The following HIF3A variants were observed in gnomAD, a reference collection of about 807,000 sequenced individuals.
HIF3A encodes hypoxia inducible factor 3 subunit alpha.
A neutral mutation model predicts 67.2 loss-of-function variants in HIF3A; 41 were observed. The observed-to-expected ratio is 0.61, with a 90% CI of 0.48 to 0.79. The LOEUF is 0.79. Among genes scored for constraint, HIF3A ranks in the 30% least tolerant of loss-of-function variants. The pLI is 0.00. For synonymous variants in HIF3A, 356 were observed against 374.8 expected (o/e 0.95, Z 0.58); for missense variants, 855 against 898.0 (o/e 0.95, Z 0.61).
In HIF3A at chr19:46,342,076, G is replaced by A. The variant is rs1253227358; in HGVS notation, c.*2454G>A. On this transcript the variant is annotated 3_prime_UTR_variant, in exon 15 of 15. Transcript: ENST00000377670. ...ACTTCTAGAAGGTGCCACCTCCAGG[G>A]TCCTGATTCAAGATCTGGTGATCTG... 6.6e-6 allele frequency: 1 copy of A among 152,236 alleles called. No individual in the cohort carries two copies. Among genetic ancestry groups the A allele is most frequent in the East Asian group, 1.9e-4 (1 of 5,182 alleles). The allele number at this position is 152,236 out of a possible 1,614,324, so 9.4% of individuals were successfully genotyped here. A position where few individuals can be genotyped will look rare whatever the true frequency, so the allele number is the denominator to read the frequency against.
At chr19:46,320,600 C>T (rs1970290243) in intron 9 of HIF3A, 39 bp downstream of exon 9, 1 of 1,514,576 alleles carries the variant, frequency 6.6e-7, no homozygotes, top group Non-Finnish European at 9.2e-7. Flanking sequence ...GTTGTGTCCC[C>T]AGGGCCCTTG....
At chr19:46,307,083 C>T (rs1968919667) in intron 3 of HIF3A, among the ~76,000 whole-genome samples, 1 of 143,854 alleles carries the variant, frequency 7.0e-6, no homozygotes, top group Admixed American at 7.0e-5. Context: ...GGCCACCTCA[C>T]TTGCTTTGTT....
intron 1 of HIF3A, among the ~76,000 whole-genome samples, chr19:46,303,067 C>G (rs1325791880): frequency 6.6e-6 from 1 of 152,172 alleles, no homozygotes; most frequent in Non-Finnish European, 1.5e-5. Context: ...TGGGCAGGCA[C>G]TGCACCTCTC....
At chr19:46,338,065 T>C (rs1255084295) in intron 14 of HIF3A, among the ~76,000 whole-genome samples, 1 of 152,234 alleles carries the variant, frequency 6.6e-6, no homozygotes, top group Non-Finnish European at 1.5e-5. Context: ...AAATCCTCTA[T>C]GCACCTGATC....
At chr19:46,338,717 G>A (rs546117114) in intron 14 of HIF3A, among the ~76,000 whole-genome samples, 3 of 152,276 alleles carry the variant, frequency 2.0e-5, no homozygotes, top group South Asian at 4.1e-4. Context: ...AGGGAACTGA[G>A]GCACAGAGAG....
intron 2 of HIF3A, chr19:46,304,963 T>C: frequency 2.0e-6 from 1 of 501,240 alleles, no homozygotes; most frequent in South Asian, 2.0e-5. Flanking sequence ...AATTCTGTCC[T>C]CCTAGGAGGC....
chr19:46,342,020 C>T lies in HIF3A; in HGVS notation c.*2398C>T, dbSNP rs2147345000. The T allele has an allele frequency of 6.6e-6, 1 of 152,304 alleles. No individual in the cohort carries two copies. The highest frequency in any genetic ancestry group is 2.1e-4 in the South Asian group (1 of 4,832). 9.4% of individuals were successfully genotyped at this position (152,304 alleles called of 1,614,324 possible). The stretch of plus-strand genomic sequence containing the variant: ...TTCTCCTAGATTCTGAACCTCATGA[C>T]CTGTACCACTCACTAGTTCCAGACT... On this transcript the variant is annotated 3_prime_UTR_variant, in exon 15 of 15. Coordinates refer to ENST00000377670, the MANE Select transcript of HIF3A (RefSeq NM_152795.4).
Position 46,314,614 on chromosome 19 carries a change from C to T in HIF3A, c.1025+1961C>T, listed in dbSNP as rs541975129. ...CCCTTGTCACTCAGGCTGGAGTGCA[C>T]TGGCACGATCTCGGCTCACTTCAAC... On this transcript the variant is annotated intron_variant, in intron 8 of 14. Transcript: ENST00000377670. 9.5e-5 allele frequency among the ~76,000 whole-genome samples: 14 copies of T among 146,804 alleles called. 3 individuals carry two copies. In the East Asian group the frequency reaches 3.2e-3, roughly 33 times the overall value.
At chr19:46,324,480 C>G (rs1970609115) in intron 10 of HIF3A, among the ~76,000 whole-genome samples, 1 of 152,166 alleles carries the variant, frequency 6.6e-6, no homozygotes, top group South Asian at 2.1e-4. Flanking sequence ...TCCTTTACCC[C>G]TGAGACAGCT....
At chr19:46,298,166 C>G (rs555633132) in intron 1 of HIF3A, 6 of 272,704 alleles carry the variant, frequency 2.2e-5, no homozygotes, top group African/African-American at 1.4e-4. Context: ...TCCCTGGCTT[C>G]TCAGGCCTGA....
intron 12 of HIF3A, among the ~76,000 whole-genome samples, chr19:46,329,985 G>T (rs1417682455): frequency 1.4e-4 from 19 of 139,974 alleles, no homozygotes; most frequent in South Asian, 2.4e-4. Flanking sequence ...AAGATAGAGA[G>T]AGAGAGAGAG....
rs758627684 is a variant in HIF3A, at chr19:46,321,778, A to G, written c.1147A>G (p.Thr383Ala). 21 of 1,611,924 alleles carry G rather than the reference A, an allele frequency of 1.3e-5. 1 individual carries two copies. Among genetic ancestry groups the G allele is most frequent in the Middle Eastern group, 3.3e-4 (2 of 6,006 alleles). The stretch of plus-strand genomic sequence containing the variant: ...CCCCATCTCCATGTGTCCTGCAGAC[A>G]CCCCTGGCCCCCGGATCCTTGCCTT... ...DTPNPGDSLD[T>A]PGPRILAFLH... The change falls in exon 10 of 15, where the codon ACC becomes GCC. Residue 383 changes from threonine (T) to alanine (A), a missense_variant and splice_region_variant. Thr to Ala is a moderately conservative substitution (Grantham distance 58). This residue lies in a region of HIF3A where 638 missense variants were observed against 660.5 expected (regional missense o/e 0.97). Coordinates refer to ENST00000377670, the MANE Select transcript of HIF3A (RefSeq NM_152795.4).
rs1971883801 is a variant in HIF3A at position 46,340,181 on chromosome 19, G to C, written c.*559G>C. On this transcript the variant is annotated 3_prime_UTR_variant, in exon 15 of 15. Transcript: ENST00000377670. The stretch of plus-strand genomic sequence containing the variant: ...GTCAGTGCGGAGAGGCTCTGGGCCA[G>C]ACCTCACCCCCAGTGACTTCCGATT... 6.6e-6 allele frequency: 1 copy of C among 152,278 alleles called. No homozygotes were observed. Among genetic ancestry groups the C allele is most frequent in the Non-Finnish European group, 1.5e-5 (1 of 68,130 alleles). 9.4% of individuals were successfully genotyped at this position (152,278 alleles called of 1,614,324 possible).
chr19:46,305,092 A>G, intron 2 of HIF3A, 153 bp from the exon 3 acceptor site: 2 of 1,067,078 alleles, frequency 1.9e-6, no homozygotes, highest in Middle Eastern at 4.0e-4. Context: ...CTTCCTTGGG[A>G]ATCCAGGCCA....
intron 8 of HIF3A, 175 bp downstream of exon 8, chr19:46,312,828 C>G: frequency 7.6e-7 from 1 of 1,309,602 alleles, no homozygotes; most frequent in Non-Finnish European, 9.7e-7. Context: ...CATGTAAATG[C>G]CGGTGTGTGT....
At position 46,320,481 on chromosome 19, in the gene HIF3A, A is replaced by C; in HGVS notation, c.1064A>C (p.Gln355Pro). 1 of 1,614,110 alleles carries C rather than the reference A, an allele frequency of 6.2e-7. No homozygotes were observed. Among genetic ancestry groups the C allele is most frequent in the Non-Finnish European group, 8.5e-7 (1 of 1,179,990 alleles). Reference sequence around the variant, plus strand: ...ACCGGAGTGGTGCTGTCCCTGGAGCAAACGGAGCAACACTCTCGCAGACCC... The same window carrying C: ...ACCGGAGTGGTGCTGTCCCTGGAGCCAACGGAGCAACACTCTCGCAGACCC... ...EETGVVLSLEQTEQHSRRPIQ... is the reference protein window; with the variant it reads ...EETGVVLSLEPTEQHSRRPIQ... Residue 355 changes from glutamine to proline, a missense_variant, in exon 9 of 15, where the codon CAA (glutamine) becomes CCA (proline). By Grantham distance (76) the Gln-to-Pro change is moderately conservative. This residue lies in a region of HIF3A where 638 missense variants were observed against 660.5 expected (regional missense o/e 0.97). Transcript: ENST00000377670.
rs112839120 is a variant in HIF3A at position 46,312,712 on chromosome 19, GGTGTGT to G, written c.1025+79_1025+84del. The G allele has an allele frequency of 5.3e-5, 76 of 1,433,462 alleles. No individual in the cohort carries two copies. In the African/African-American group the frequency reaches 6.9e-4, roughly 13 times the overall value. The allele number at this position is 1,433,462 out of a possible 1,614,324, so 88.8% of individuals were successfully genotyped here. A position where few individuals can be genotyped will look rare whatever the true frequency, so the allele number is the denominator to read the frequency against. ...TGGGCCTGATCTGCATGTGTGGACA[GGTGTGT>G]GTGTGTGTGTGTGTGTGTGCGTATG... On this transcript the variant is annotated intron_variant, in intron 8 of 14. Coordinates refer to ENST00000377670, the MANE Select transcript of HIF3A (RefSeq NM_152795.4).
At chr19:46,318,427 G>A (rs550173050) in intron 8 of HIF3A, among the ~76,000 whole-genome samples, 53 of 149,922 alleles carry the variant, frequency 3.5e-4, no homozygotes, top group African/African-American at 1.3e-3. Context: ...GCATATGGCT[G>A]TAATCCCAGC....
chr19:46,310,106 T>G (rs1220423003), intron 6 of HIF3A, among the ~76,000 whole-genome samples: 1 of 152,020 alleles, frequency 6.6e-6, no homozygotes, highest in African/African-American at 2.4e-5. Context: ...ATGCCTAAAA[T>G]CCCAGCTACT....
Sources: allele counts gnomAD v4.1 joint callset (sites outside exome capture counted in the v4.1 genomes callset), GRCh38; gene constraint gnomAD v4.1.1; regional missense constraint gnomAD v4.1.1; transcripts MANE v1.5; gene names NCBI Gene and HGNC (gene_info 2026-07-23, HGNC 2026-07-21).